Variants in LRBA observed in about 807,000 individuals in gnomAD.
LRBA encodes LPS responsive beige-like anchor protein.
LRBA carries 176 observed loss-of-function variants against 330.0 expected under a neutral mutation model. The ratio of observed to expected loss-of-function variants is 0.53; its 90% confidence interval spans 0.47 to 0.60. The LOEUF (loss-of-function observed/expected upper bound fraction) is 0.60. Among genes scored for constraint, LRBA ranks in the 20% least tolerant of loss-of-function variants. The probability of loss-of-function intolerance (pLI) is 0.00; values close to 1 mark genes in which losing one functional copy is unlikely to be tolerated. For missense variants in LRBA, 3,259 were observed against 3,444.8 expected, an observed-to-expected ratio of 0.95 and a Z score of 1.35; for synonymous variants, 1,230 against 1,193.0, an observed-to-expected ratio of 1.03 and a Z score of -0.64.
rs764549608 is a variant in LRBA at position 150,800,239 on chromosome 4, C to T, written c.5519-2097G>A. Among the ~76,000 whole-genome samples, 3 of 152,266 alleles carry T rather than the reference C, an allele frequency of 2.0e-5. 1 individual carries two copies. The highest frequency in any genetic ancestry group is 4.8e-5 in the African/African-American group (2 of 41,546). ...AAAGGTCAAATAACATTTCATAGTT[C>T]GGTTTGAACAATTAAGGTGGAGGAG... On this transcript the variant is annotated intron_variant, in intron 33 of 56. Coordinates refer to ENST00000651943, the MANE Select transcript of LRBA (RefSeq NM_001364905.1).
rs527809633 is a variant in LRBA, at chr4:150,326,874, A to C, written c.7363-976T>G. On this transcript the variant is annotated intron_variant, in intron 48 of 56. Transcript: ENST00000651943. ...CTCCCAGGCTAAAAGGATGAGGAAA[A>C]CCCTCAAATTAATAAGAATAAAAAT... Among the ~76,000 whole-genome samples, 3 of 152,268 alleles carry C rather than the reference A, an allele frequency of 2.0e-5. No individual in the cohort carries two copies. In the East Asian group the frequency reaches 5.8e-4, roughly 29 times the overall value.
intron 31 of LRBA, among the ~76,000 whole-genome samples, chr4:150,808,995 A>C (rs13126280): frequency 0.053 from 8,107 of 152,294 alleles, 308 homozygotes; most frequent in Middle Eastern, 0.12. Flanking sequence ...AGATTGTTGA[A>C]TCTTTCAGTC....
rs117742798 is a variant in LRBA, at chr4:150,909,889, T to G, written c.1162-1032A>C. On this transcript the variant is annotated intron_variant, in intron 9 of 56. Coordinates refer to ENST00000651943, the MANE Select transcript of LRBA (RefSeq NM_001364905.1). Reference sequence around the variant, plus strand: ...AGGCAATAGCTCGCTGTAGTTTAAATTAGCATTTTTCTAATGTCTAGTGAT... The same window carrying G: ...AGGCAATAGCTCGCTGTAGTTTAAAGTAGCATTTTTCTAATGTCTAGTGAT... 1.1e-4 allele frequency among the ~76,000 whole-genome samples: 17 copies of G among 152,318 alleles called. No homozygotes were observed. In the East Asian group the frequency reaches 1.9e-3, roughly 17 times the overall value.
intron 40 of LRBA, among the ~76,000 whole-genome samples, chr4:150,512,073 A>G (rs545480329): frequency 6.6e-6 from 1 of 152,384 alleles, no homozygotes; most frequent in South Asian, 2.1e-4. Flanking sequence ...TGTATACCCA[A>G]TGAATTAATG....
At chr4:150,295,495 C>A (rs1002444251) in intron 53 of LRBA, among the ~76,000 whole-genome samples, 32 of 152,100 alleles carry the variant, frequency 2.1e-4, no homozygotes, top group African/African-American at 7.0e-4. Flanking sequence ...CTGTGCCCGG[C>A]CTAAAGTATC....
intron 2 of LRBA, among the ~76,000 whole-genome samples, chr4:151,004,852 G>A (rs764408859): frequency 1.2e-4 from 19 of 152,112 alleles, no homozygotes; most frequent in Non-Finnish European, 5.9e-5. Flanking sequence ...CAGGCATGGC[G>A]GCATGAGCCT....
chr4:150,426,837 A>C (rs754376741), intron 46 of LRBA, among the ~76,000 whole-genome samples: 1 of 151,940 alleles, frequency 6.6e-6, no homozygotes, highest in African/African-American at 2.4e-5. Flanking sequence ...ATTAGCAATG[A>C]CAGTAGGGTT....
chr4:150,548,091 T>C (rs1349587195), intron 40 of LRBA, among the ~76,000 whole-genome samples: 2 of 152,208 alleles, frequency 1.3e-5, no homozygotes, highest in South Asian at 2.1e-4. Flanking sequence ...CTGTACGTTA[T>C]ATTTGTGCAG....
At chr4:150,637,401 G>C (rs1561453488) in intron 37 of LRBA, among the ~76,000 whole-genome samples, 1 of 152,056 alleles carries the variant, frequency 6.6e-6, no homozygotes, top group African/African-American at 2.4e-5. Flanking sequence ...CATTGTTTCG[G>C]CTGTTGTGAC....
At chr4:150,587,933 C>T in intron 40 of LRBA, 115 bp downstream of exon 40, 1 of 1,176,872 alleles carries the variant, frequency 8.5e-7, no homozygotes, top group Non-Finnish European at 1.2e-6. Flanking sequence ...GCATATAAGC[C>T]AAGGCAACTT....
intron 44 of LRBA, among the ~76,000 whole-genome samples, chr4:150,443,324 T>C (rs752305321): frequency 6.6e-6 from 1 of 152,090 alleles, no homozygotes; most frequent in African/African-American, 2.4e-5. Context: ...GAAATACCAT[T>C]TGACCCAGCC....
Position 150,786,132 on chromosome 4 carries a change from T to C in LRBA, c.5580+11949A>G, listed in dbSNP as rs145993124. Among the ~76,000 whole-genome samples, 1,116 of 152,290 alleles carry C rather than the reference T, an allele frequency of 7.3e-3. 6 individuals are homozygous for C. The highest frequency in any genetic ancestry group is 0.025 in the African/African-American group (1,045 of 41,554). Reference sequence around the variant, plus strand: ...AAGATGTAGGCATAGTTATCAGCCATTGTTCCAGAGGTCACAACATTTGCA... The same window carrying C: ...AAGATGTAGGCATAGTTATCAGCCACTGTTCCAGAGGTCACAACATTTGCA... On this transcript the variant is annotated intron_variant, in intron 34 of 56. Transcript: ENST00000651943.
At chr4:150,794,692 T>A (rs75994964) in intron 34 of LRBA, among the ~76,000 whole-genome samples, 1 of 152,042 alleles carries the variant, frequency 6.6e-6, no homozygotes, top group Non-Finnish European at 1.5e-5. Context: ...TGTTGAAAAA[T>A]TTTTTAAAGA....
intron 48 of LRBA, among the ~76,000 whole-genome samples, chr4:150,346,757 C>CAAAAAAAAAAAAAAAAAAA (rs57119340): frequency 1.1e-4 from 7 of 66,150 alleles, no homozygotes; most frequent in African/African-American, 5.4e-4. Context: ...GACTCTGTCT[C>CAAAAAAAAAAAAAAAAAAA]AAAAAAAAAA....
chr4:150,325,715 G>T, intron 49 of LRBA, 94 bp downstream of exon 49: 1 of 855,338 alleles, frequency 1.2e-6, no homozygotes, highest in Non-Finnish European at 2.0e-6. Flanking sequence ...ACCCACATAT[G>T]GTGGAGAAAC....
chr4:150,862,989 G>GAC (rs57854219), intron 22 of LRBA, among the ~76,000 whole-genome samples: 12,704 of 148,676 alleles, frequency 0.085, 1,262 homozygotes, highest in African/African-American at 0.25. Context: ...ATTTAAAAAA[G>GAC]ACACACACAC....
intron 9 of LRBA, among the ~76,000 whole-genome samples, chr4:150,912,596 A>G (rs1732133818): frequency 6.6e-6 from 1 of 152,136 alleles, no homozygotes; most frequent in Non-Finnish European, 1.5e-5. Flanking sequence ...ATCATCCCGA[A>G]ACCATCCCTG....
At chr4:150,559,626 T>C (rs1337183501) in intron 40 of LRBA, among the ~76,000 whole-genome samples, 1 of 86,066 alleles carries the variant, frequency 1.2e-5, no homozygotes, top group Admixed American at 2.1e-4. Context: ...TGTATTATTT[T>C]ATAATATATA....
chr4:150,775,701 C>T (rs1005017266), intron 34 of LRBA, among the ~76,000 whole-genome samples: 12 of 148,568 alleles, frequency 8.1e-5, no homozygotes, highest in Admixed American at 5.5e-4. Context: ...TTTTCCAATG[C>T]GTTTTATGAT....
Sources: gnomAD v4.1 joint callset for allele counts (sites outside exome capture counted in the v4.1 genomes callset) on GRCh38, gnomAD v4.1.1 for gene constraint, MANE v1.5 for transcripts, NCBI Gene and HGNC (gene_info 2026-07-23, HGNC 2026-07-21) for gene names.